RALGPS2: variants seen among roughly 807,000 people sequenced by gnomAD.
RALGPS2 encodes the protein ras-specific guanine nucleotide-releasing factor RalGPS2.
RALGPS2 carries 43 observed loss-of-function variants against 86.8 expected under a neutral mutation model. The ratio of observed to expected loss-of-function variants is 0.50; its 90% CI spans 0.39 to 0.64. The LOEUF (loss-of-function observed/expected upper bound fraction) is 0.64. Ranked by LOEUF, RALGPS2 falls within the 30% of genes least tolerant of loss-of-function variation. The pLI, the probability that RALGPS2 is intolerant of heterozygous loss-of-function variation, is 0.00. For missense variants in RALGPS2, 536 were observed against 694.6 expected (o/e 0.77, Z 2.57); for synonymous variants, 243 against 231.3 (o/e 1.05, Z -0.46).
intron 16 of RALGPS2, 120 bp from the exon 17 acceptor site, chr1:178,897,544 A>G: frequency 1.3e-6 from 1 of 755,410 alleles, no homozygotes; most frequent in South Asian, 1.7e-5. Flanking sequence ...GATACAGCTC[A>G]ACTCTGAGGT....
At chr1:178,830,723 C>T (rs1438274362) in intron 7 of RALGPS2, among the ~76,000 whole-genome samples, 2 of 151,746 alleles carry the variant, frequency 1.3e-5, no homozygotes, top group African/African-American at 2.4e-5. Context: ...CAGAAAGCTC[C>T]AACAATGAAA....
At chr1:178,817,222 G>A (rs1318713378) in intron 6 of RALGPS2, among the ~76,000 whole-genome samples, 2 of 151,562 alleles carry the variant, frequency 1.3e-5, no homozygotes, top group African/African-American at 2.4e-5. Flanking sequence ...GCGCACTCCT[G>A]TAATCCCAGC....
intron 1 of RALGPS2, among the ~76,000 whole-genome samples, chr1:178,750,232 G>T (rs778656439): frequency 1.3e-5 from 2 of 152,194 alleles, no homozygotes; most frequent in Non-Finnish European, 2.9e-5. Flanking sequence ...CACTTTGCAG[G>T]CCATGCAAGT....
rs887859517 is a variant in RALGPS2 at position 178,918,546 on chromosome 1, C to G, written c.*2187C>G. ...AGCTGGAAGATGTTTTTGATACTTT[C>G]GGCTCTAAACATTAATGGATGTTTG... On this transcript the variant is annotated 3_prime_UTR_variant, in exon 20 of 20. Transcript: ENST00000367635. 2 of 152,052 alleles carry G rather than the reference C, an allele frequency of 1.3e-5. No individual in the cohort carries two copies. Among genetic ancestry groups the G allele is most frequent in the African/African-American group, 2.4e-5 (1 of 41,432 alleles). 9.4% of individuals were successfully genotyped at this position (152,052 alleles called of 1,614,324 possible).
intron 1 of RALGPS2, among the ~76,000 whole-genome samples, chr1:178,770,986 C>T (rs1228511302): frequency 4.0e-5 from 6 of 151,222 alleles, no homozygotes; most frequent in East Asian, 2.0e-4. Flanking sequence ...TTACAGGCGC[C>T]GGCCACCACG....
intron 4 of RALGPS2, among the ~76,000 whole-genome samples, chr1:178,805,811 C>A (rs954985708): frequency 1.3e-5 from 2 of 152,070 alleles, no homozygotes; most frequent in Non-Finnish European, 2.9e-5. Context: ...ATATTTTTTA[C>A]AATCGAACTG....
chr1:178,886,917 TAA>T (rs1185562873), intron 13 of RALGPS2, among the ~76,000 whole-genome samples: 1 of 152,038 alleles, frequency 6.6e-6, no homozygotes, highest in African/African-American at 2.4e-5. Context: ...TTTGGCAAGA[TAA>T]AAGTCATTGG....
intron 7 of RALGPS2, among the ~76,000 whole-genome samples, chr1:178,829,430 A>G (rs1655908677): frequency 6.6e-6 from 1 of 152,238 alleles, no homozygotes; most frequent in African/African-American, 2.4e-5. Context: ...CAGTGGCAGC[A>G]TTAGATTCTC....
intron 14 of RALGPS2, 22 bp downstream of exon 14, chr1:178,889,718 A>T (rs1415473869): frequency 6.4e-7 from 1 of 1,570,590 alleles, no homozygotes; most frequent in South Asian, 1.1e-5. Context: ...TGTCCATTTG[A>T]ACTACTTGGA....
chr1:178,770,978 A>G (rs1029068286), intron 1 of RALGPS2, among the ~76,000 whole-genome samples: 3 of 150,790 alleles, frequency 2.0e-5, no homozygotes, highest in Non-Finnish European at 4.4e-5. Flanking sequence ...CGCTGGGATT[A>G]CAGGCGCCGG....
chr1:178,750,709 A>C (rs535645717), intron 1 of RALGPS2, among the ~76,000 whole-genome samples: 9 of 152,320 alleles, frequency 5.9e-5, no homozygotes, highest in Non-Finnish European at 8.8e-5. Flanking sequence ...GTAGGATAAT[A>C]ACCTTCTTAT....
intron 1 of RALGPS2, among the ~76,000 whole-genome samples, chr1:178,751,481 G>A (rs915419811): frequency 4.6e-5 from 7 of 152,144 alleles, no homozygotes; most frequent in Admixed American, 3.3e-4. Flanking sequence ...TCTTGAGAGA[G>A]AACACTATTC....
chr1:178,796,891 T>G (rs1329269796), intron 4 of RALGPS2, among the ~76,000 whole-genome samples: 1 of 152,166 alleles, frequency 6.6e-6, no homozygotes, highest in African/African-American at 2.4e-5. Context: ...TCAAATACAC[T>G]TATAATGACT....
At chr1:178,881,208 A>G (rs1056395443) in intron 10 of RALGPS2, among the ~76,000 whole-genome samples, 8 of 152,290 alleles carry the variant, frequency 5.3e-5, no homozygotes, top group African/African-American at 1.9e-4. Flanking sequence ...AAACATAGAT[A>G]AGGGGGGACC....
At chr1:178,858,325 T>G (rs1207232654) in intron 8 of RALGPS2, among the ~76,000 whole-genome samples, 1 of 152,156 alleles carries the variant, frequency 6.6e-6, no homozygotes, top group Non-Finnish European at 1.5e-5. Context: ...ATCTTAAATG[T>G]TTTCACTGCT....
chr1:178,742,136 A>T (rs1572274724), intron 1 of RALGPS2, among the ~76,000 whole-genome samples: 2 of 149,920 alleles, frequency 1.3e-5, no homozygotes, highest in Admixed American at 1.3e-4. Context: ...TTCCGTCAAA[A>T]AAAAAAAAAA....
chr1:178,833,645 A>T, intron 8 of RALGPS2, 95 bp downstream of exon 8: 1 of 1,463,088 alleles, frequency 6.8e-7, no homozygotes, highest in Non-Finnish European at 9.0e-7. Flanking sequence ...AAATGTTTGT[A>T]TCTTTTAAAT....
intron 4 of RALGPS2, among the ~76,000 whole-genome samples, chr1:178,792,376 T>C (rs1653995733): frequency 1.3e-5 from 2 of 152,344 alleles, no homozygotes; most frequent in South Asian, 2.1e-4. Context: ...TCTCTGTCCT[T>C]CTTCTGTTCT....
chr1:178,808,237 A>G (rs1262246491), intron 5 of RALGPS2, 109 bp downstream of exon 5: 2 of 770,524 alleles, frequency 2.6e-6, no homozygotes, highest in Admixed American at 2.5e-5. Flanking sequence ...ATTTTCAGCC[A>G]GTATCTCTCA....
Sources: allele counts gnomAD v4.1 joint callset (sites outside exome capture counted in the v4.1 genomes callset), GRCh38; gene constraint gnomAD v4.1.1; transcripts MANE v1.5; gene names NCBI Gene and HGNC (gene_info 2026-07-23, HGNC 2026-07-21).